SMURF1: variants seen among roughly 807,000 people sequenced by gnomAD.
SMURF1 encodes E3 ubiquitin-protein ligase SMURF1.
Under a neutral mutation model 98.0 loss-of-function variants are expected in SMURF1, and 44 were observed. The observed-to-expected ratio is 0.45, with a 90% CI of 0.35 to 0.58. The LOEUF is 0.58. Among genes scored for constraint, SMURF1 ranks in the 20% least tolerant of loss-of-function variants. The pLI, the probability that SMURF1 is intolerant of heterozygous loss-of-function variation, is 0.00. For synonymous variants in SMURF1, 396 were observed against 374.9 expected, an observed-to-expected ratio of 1.06 and a Z score of -0.65; for missense variants, 687 against 938.4, an observed-to-expected ratio of 0.73 and a Z score of 3.50.
At chr7:99,119,988 A>G (rs945351838) in intron 1 of SMURF1, among the ~76,000 whole-genome samples, 2 of 152,118 alleles carry the variant, frequency 1.3e-5, no homozygotes, top group African/African-American at 4.8e-5. Context: ...AGTGCTGGAG[A>G]TGGGGCTTAC....
intron 1 of SMURF1, among the ~76,000 whole-genome samples, chr7:99,090,720 A>G (rs1321580080): frequency 1.3e-5 from 2 of 152,192 alleles, no homozygotes; most frequent in East Asian, 1.9e-4. Flanking sequence ...CCTACTGCCA[A>G]TAAAAAATAT....
chr7:99,090,999 A>T (rs1196692634), intron 1 of SMURF1, among the ~76,000 whole-genome samples: 2 of 152,200 alleles, frequency 1.3e-5, no homozygotes, highest in African/African-American at 4.8e-5. Context: ...CAGCCACACT[A>T]ATCAGTTTAC....
Position 99,143,766 on chromosome 7 carries a change from C to T in SMURF1, c.15G>A (p.Gly5=), listed in dbSNP as rs778964327. MSNP[G]TRRNGSSIKI... ...TGATGCTGGAGCCGTTCCTGCGTGT[C>T]CCGGGGTTCGACATCTCCCGCCAAC... is the stretch of plus-strand genomic sequence containing the variant. Residue 5 remains glycine, a synonymous_variant, in exon 1 of 18, where the codon GGG becomes GGA. Coordinates refer to ENST00000361368, the MANE Select transcript of SMURF1 (RefSeq NM_181349.3). 25 of 1,561,524 alleles carry T rather than the reference C, an allele frequency of 1.6e-5. No individual in the cohort carries two copies. The East Asian group carries it at 4.2e-4, about 26-fold the overall frequency.
chr7:99,052,890 C>T (rs1374329756), intron 6 of SMURF1, among the ~76,000 whole-genome samples: 3 of 152,198 alleles, frequency 2.0e-5, no homozygotes, highest in East Asian at 1.9e-4. Context: ...ATGATGAAAC[C>T]GCATCTCTAC....
In SMURF1 at chr7:99,057,555, G is replaced by C. The variant is rs1795908476; in HGVS notation, c.204-4C>G. The C allele has an allele frequency of 6.5e-7, 1 of 1,529,444 alleles. No homozygotes were observed. The allele number at this position is 1,529,444 out of a possible 1,614,324, so 94.7% of individuals were successfully genotyped here. ...CGAATCCGTTTTCCCAACATATCTG[G>C]AAAGAAAGTGCAAAACTCATTTTTA... On this transcript the variant is annotated splice_polypyrimidine_tract_variant and splice_region_variant and intron_variant, in intron 3 of 17. Coordinates refer to ENST00000361368, the MANE Select transcript of SMURF1 (RefSeq NM_181349.3).
intron 1 of SMURF1, among the ~76,000 whole-genome samples, chr7:99,088,906 A>AAC (rs528659117): frequency 2.6e-5 from 4 of 152,132 alleles, no homozygotes; most frequent in African/African-American, 4.8e-5. Flanking sequence ...CTCTACTAAA[A>AAC]ACACACACAC....
intron 8 of SMURF1, chr7:99,050,950 G>C (rs769966161): frequency 1.3e-6 from 2 of 1,551,008 alleles, no homozygotes; most frequent in South Asian, 1.2e-5. Flanking sequence ...GAAGGAATTC[G>C]TATAGAAAAG....
chr7:99,080,191 A>C (rs1468095373), intron 1 of SMURF1, among the ~76,000 whole-genome samples: 1 of 152,242 alleles, frequency 6.6e-6, no homozygotes, highest in Non-Finnish European at 1.5e-5. Flanking sequence ...TAAATTGCCC[A>C]AATTTGGCCA....
chr7:99,140,692 A>C (rs1168999199), intron 1 of SMURF1, among the ~76,000 whole-genome samples: 1 of 152,166 alleles, frequency 6.6e-6, no homozygotes, highest in East Asian at 1.9e-4. Context: ...GCTGGGATTC[A>C]GGCGTGAGCC....
chr7:99,093,201 C>T (rs911745854), intron 1 of SMURF1, among the ~76,000 whole-genome samples: 10 of 152,162 alleles, frequency 6.6e-5, no homozygotes, highest in African/African-American at 2.2e-4. Context: ...TTCCTCTCTC[C>T]TTCCCACTTC....
chr7:99,128,083 C>A (rs1797785397), intron 1 of SMURF1, among the ~76,000 whole-genome samples: 2 of 150,200 alleles, frequency 1.3e-5, no homozygotes, highest in Non-Finnish European at 3.0e-5. Context: ...CTGGGGTTTC[C>A]AAAAAAAAAT....
chr7:99,044,795 G>T (rs1795519267), intron 11 of SMURF1, among the ~76,000 whole-genome samples: 1 of 152,144 alleles, frequency 6.6e-6, no homozygotes, highest in African/African-American at 2.4e-5. Flanking sequence ...ATTAAATCCG[G>T]AAATAACAAG....
chr7:99,096,624 A>G lies in SMURF1; in HGVS notation c.56-34787T>C, dbSNP rs150363924. Among the ~76,000 whole-genome samples the G allele has an allele frequency of 2.6e-3, 400 of 152,344 alleles. 2 individuals carry two copies. Among genetic ancestry groups the G allele is most frequent in the African/African-American group, 9.1e-3 (377 of 41,580 alleles). ...TTCACCAAGAAGATATAACAATCCT[A>G]TATGTGTTTGTACCTAACAATAGAG... On this transcript the variant is annotated intron_variant, in intron 1 of 17. Coordinates refer to ENST00000361368, the MANE Select transcript of SMURF1 (RefSeq NM_181349.3).
intron 1 of SMURF1, among the ~76,000 whole-genome samples, chr7:99,085,967 G>T: frequency 6.6e-6 from 1 of 152,172 alleles, no homozygotes; most frequent in East Asian, 1.9e-4. Flanking sequence ...CTCCAAAGAA[G>T]ATAAACAAAT....
At chr7:99,037,328 C>T in intron 14 of SMURF1, 141 bp from the exon 15 acceptor site, 2 of 1,040,704 alleles carry the variant, frequency 1.9e-6, no homozygotes, top group Non-Finnish European at 2.9e-6. Context: ...ACCTCAGCCT[C>T]CTGGGTTCAA....
chr7:99,143,268 G>T (rs1798177470), intron 1 of SMURF1, among the ~76,000 whole-genome samples: 1 of 146,424 alleles, frequency 6.8e-6, no homozygotes, highest in African/African-American at 2.5e-5. Context: ...GCGGGGCCTG[G>T]GGGGAGAAGC....
intron 1 of SMURF1, among the ~76,000 whole-genome samples, chr7:99,105,162 C>T (rs1295973136): frequency 6.6e-6 from 1 of 152,212 alleles, no homozygotes; most frequent in Admixed American, 6.5e-5. Flanking sequence ...CACAACCAAC[C>T]TTCACAATCT....
intron 1 of SMURF1, among the ~76,000 whole-genome samples, chr7:99,128,620 T>C (rs558110867): frequency 3.3e-5 from 5 of 152,364 alleles, no homozygotes; most frequent in African/African-American, 9.6e-5. Context: ...TGTCCACATT[T>C]AAATTTTAGT....
intron 2 of SMURF1, among the ~76,000 whole-genome samples, chr7:99,060,913 T>C (rs1796020480): frequency 1.3e-5 from 2 of 151,572 alleles, no homozygotes; most frequent in East Asian, 3.8e-4. Flanking sequence ...AAAAAAAGGC[T>C]TACATTCAAA....
Sources: allele counts gnomAD v4.1 joint callset (sites outside exome capture counted in the v4.1 genomes callset), GRCh38; gene constraint gnomAD v4.1.1; transcripts MANE v1.5; gene names NCBI Gene and HGNC (gene_info 2026-07-23, HGNC 2026-07-21).